Variants in CRAMP1 observed in about 807,000 individuals in gnomAD.
CRAMP1 encodes protein cramped-like.
Under a neutral mutation model 115.4 loss-of-function variants are expected in CRAMP1, and 50 were observed. The ratio of observed to expected loss-of-function variants is 0.43; its 90% CI spans 0.35 to 0.55. CRAMP1 has a LOEUF of 0.55. CRAMP1 is among the 20% of genes least tolerant of loss of function. The probability of loss-of-function intolerance (pLI) is 0.01; values close to 1 mark genes in which losing one functional copy is unlikely to be tolerated. For synonymous variants in CRAMP1, 866 were observed against 745.4 expected (o/e 1.16, Z -2.64); for missense variants, 1,679 against 1,721.7 (o/e 0.98, Z 0.44).
chr16:1,661,757 G>A lies in CRAMP1; in HGVS notation c.2414-733G>A, dbSNP rs966186721. The stretch of plus-strand genomic sequence containing the variant: ...ATTACAGGCATGTGCCACCATGCTC[G>A]GGTAATTTTTGTTTTCAGTAGAGAC... On this transcript the variant is annotated intron_variant, in intron 11 of 20. Transcript: ENST00000397412. Among the ~76,000 whole-genome samples the A allele has an allele frequency of 3.3e-5, 5 of 152,182 alleles. No homozygotes were observed. In the South Asian group the frequency reaches 6.2e-4, roughly 19 times the overall value.
At chr16:1,657,612 T>C (rs1304431536) in intron 10 of CRAMP1, among the ~76,000 whole-genome samples, 1 of 152,142 alleles carries the variant, frequency 6.6e-6, no homozygotes, top group African/African-American at 2.4e-5. Flanking sequence ...CGCAGCAGAA[T>C]AGTGGAGCTG....
chr16:1,667,391 C>G lies in CRAMP1; in HGVS notation c.3093C>G (p.Asp1031Glu). The G allele has an allele frequency of 6.2e-7, 1 of 1,612,640 alleles. No homozygotes were observed. Among genetic ancestry groups the G allele is most frequent in the South Asian group, 1.1e-5 (1 of 91,084 alleles). ...GGCCTGAGCAGGAGCCAGTGGCAGACAGTTTCCAGGTAGAGTGTGCTCTTG... is the reference window on the plus strand; with the variant it reads ...GGCCTGAGCAGGAGCCAGTGGCAGAGAGTTTCCAGGTAGAGTGTGCTCTTG... The part of the protein sequence containing the change: ...PSRPEQEPVA[D>E]SFQGSSVLSL... The change falls in exon 17 of 21, where the codon GAC becomes GAG. Residue 1031 changes from aspartate to glutamate, a missense_variant. Physicochemically the swap from Asp to Glu is conservative, Grantham distance 45. Around this residue, in one of 8 missense-constraint regions of CRAMP1, gnomAD observed 709 missense variants for 741.9 expected, o/e 0.96. Transcript: ENST00000397412.
rs377270440 is a variant in CRAMP1 at position 1,665,117 on chromosome 16, C to T, written c.2731C>T (p.Leu911=). 2 of 1,612,016 alleles carry T rather than the reference C, an allele frequency of 1.2e-6. No homozygotes were observed. Among genetic ancestry groups the T allele is most frequent in the East Asian group, 4.5e-5 (2 of 44,876 alleles). Residue 911 remains leucine, a synonymous_variant, in exon 14 of 21, where the codon CTG becomes TTG. Coordinates refer to ENST00000397412, the MANE Select transcript of CRAMP1 (RefSeq NM_020825.4). ...CCACAACGTTTGTTCCTTCTCCATCCTGTCTAACTCTTCCGTAACTGGTAA... is the reference window on the plus strand; with the variant it reads ...CCACAACGTTTGTTCCTTCTCCATCTTGTCTAACTCTTCCGTAACTGGTAA... The part of the protein sequence containing the change: ...QSHNVCSFSI[L]SNSSVTGRGS...
At chr16:1,649,954 C>T (rs981752835) in intron 6 of CRAMP1, among the ~76,000 whole-genome samples, 6 of 151,750 alleles carry the variant, frequency 4.0e-5, no homozygotes, top group Non-Finnish European at 7.4e-5. Flanking sequence ...CCACCATGCC[C>T]GGCTAATTTT....
Position 1,666,443 on chromosome 16 carries a change from C to T in CRAMP1, c.2879C>T (p.Thr960Ile). 1 of 1,613,464 alleles carries T rather than the reference C, an allele frequency of 6.2e-7. No individual in the cohort carries two copies. The highest frequency in any genetic ancestry group is 8.5e-7 in the Non-Finnish European group (1 of 1,179,652). ...HLASAIDLAA[T>I]SAGILSGNPL... Reference sequence around the variant, plus strand: ...CCAGGTGCTATCGACTTAGCAGCTACAAGTGCCGGCATCCTTTCCGGGAAC... The same window carrying T: ...CCAGGTGCTATCGACTTAGCAGCTATAAGTGCCGGCATCCTTTCCGGGAAC... The change falls in exon 16 of 21, where the codon ACA becomes ATA. Residue 960 changes from threonine to isoleucine, a missense_variant. Coordinates refer to ENST00000397412, the MANE Select transcript of CRAMP1 (RefSeq NM_020825.4). This position sits in a 1 kb window ranked among gnomAD's most constrained non-coding sequence, Gnocchi z 5.0.
Position 1,666,791 on chromosome 16 carries a change from G to A in CRAMP1, c.3036+191G>A, listed in dbSNP as rs1315021554. 6.6e-6 allele frequency among the ~76,000 whole-genome samples: 1 copy of A among 152,258 alleles called. No homozygotes were observed. The highest frequency in any genetic ancestry group is 1.5e-5 in the Non-Finnish European group (1 of 68,044). ...AGGCCTCCGGAGCCACTGACGAAAGGTGGGGACAGGCTTGCCATGTGGCAC... is the reference window on the plus strand; with the variant it reads ...AGGCCTCCGGAGCCACTGACGAAAGATGGGGACAGGCTTGCCATGTGGCAC... On this transcript the variant is annotated intron_variant, in intron 16 of 20. Coordinates refer to ENST00000397412, the MANE Select transcript of CRAMP1 (RefSeq NM_020825.4). The surrounding 1 kb of genome is among the most constrained non-coding windows in gnomAD (Gnocchi z 5.0).
At position 1,675,430 on chromosome 16, in the gene CRAMP1, C is replaced by T. The variant is rs2036959442; in HGVS notation, c.*1385C>T. ...GGATTGATTGTGCTTTCCTAACCCCCTTGGACCTACTCTCCCTCCTCCCCA... is the reference window on the plus strand; with the variant it reads ...GGATTGATTGTGCTTTCCTAACCCCTTTGGACCTACTCTCCCTCCTCCCCA... On this transcript the variant is annotated 3_prime_UTR_variant, in exon 21 of 21. Coordinates refer to ENST00000397412, the MANE Select transcript of CRAMP1 (RefSeq NM_020825.4). The T allele has an allele frequency of 6.6e-6, 1 of 152,620 alleles. No homozygotes were observed. The highest frequency in any genetic ancestry group is 2.4e-5 in the African/African-American group (1 of 41,468). 9.5% of individuals were successfully genotyped at this position (152,620 alleles called of 1,614,324 possible). A position where few individuals can be genotyped will look rare whatever the true frequency, so the allele number is the denominator to read the frequency against.
chr16:1,638,211 G>A (rs1414053619), intron 5 of CRAMP1, among the ~76,000 whole-genome samples: 9 of 152,078 alleles, frequency 5.9e-5, no homozygotes, highest in Admixed American at 1.3e-4. Context: ...TACCTCCACC[G>A]GCATCACCTC....
chr16:1,618,901 AG>A (rs1469480723), intron 2 of CRAMP1, among the ~76,000 whole-genome samples: 17 of 152,350 alleles, frequency 1.1e-4, no homozygotes, highest in Non-Finnish European at 8.8e-5. Context: ...AAAGTAGGTA[AG>A]GCAAAATTTG....
In CRAMP1 at chr16:1,656,297, C is replaced by A; in HGVS notation, c.1540C>A (p.Pro514Thr). Residue 514 changes from proline (P) to threonine (T), a missense_variant, in exon 10 of 21, where the codon CCC becomes ACC. Physicochemically the swap from Pro to Thr is conservative, Grantham distance 38. Coordinates refer to ENST00000397412, the MANE Select transcript of CRAMP1 (RefSeq NM_020825.4). This position sits in a 1 kb window ranked among gnomAD's most constrained non-coding sequence, Gnocchi z 5.6. ...CCCGGACGCTCCTGACAGGCCTCCT[C>A]CCAGGCACCAGGACACTGGGCCATG... ...SSPDAPDRPP[P>T]RHQDTGPCLE... The A allele has an allele frequency of 6.2e-7, 1 of 1,611,982 alleles. No homozygotes were observed.
Position 1,670,826 on chromosome 16 carries a change from C to T in CRAMP1, c.3645+17C>T, listed in dbSNP as rs1162785369. On this transcript the variant is annotated intron_variant, in intron 20 of 20. Coordinates refer to ENST00000397412, the MANE Select transcript of CRAMP1 (RefSeq NM_020825.4). ...GTTGCAGAGGTGAGTGCATTGACCT[C>T]ACAGCTGCACCTGACCACCAACCCT... 3 of 1,612,208 alleles carry T rather than the reference C, an allele frequency of 1.9e-6. No individual in the cohort carries two copies. The highest frequency in any genetic ancestry group is 2.2e-5 in the South Asian group (2 of 91,002).
At chr16:1,627,056 G>A (rs2036513878) in intron 3 of CRAMP1, among the ~76,000 whole-genome samples, 1 of 152,206 alleles carries the variant, frequency 6.6e-6, no homozygotes. Flanking sequence ...CGTAAGTAAC[G>A]CTGTGGTGAA....
chr16:1,648,168 T>C (rs1374085281), intron 6 of CRAMP1, among the ~76,000 whole-genome samples: 1 of 151,686 alleles, frequency 6.6e-6, no homozygotes, highest in African/African-American at 2.4e-5. Flanking sequence ...GAAAATGTGA[T>C]TATTGAAAAC....
In CRAMP1 at chr16:1,662,814, G is replaced by A. The variant is rs1276855277; in HGVS notation, c.2649G>A (p.Leu883=). The change falls in exon 13 of 21, where the codon CTG becomes CTA. Residue 883 remains leucine, a synonymous_variant. Coordinates refer to ENST00000397412, the MANE Select transcript of CRAMP1 (RefSeq NM_020825.4). The part of the protein sequence containing the change: ...PKPRKLRNRH[L]RKPLVVQRTL... The stretch of plus-strand genomic sequence containing the variant: ...CCCGGAAGCTGCGGAACCGGCACCT[G>A]CGGAAGCCACTGGTGGTCCAGGTCA... 2 of 1,613,762 alleles carry A rather than the reference G, an allele frequency of 1.2e-6. No individual in the cohort carries two copies. The highest frequency in any genetic ancestry group is 3.3e-5 in the Admixed American group (2 of 60,026).
At chr16:1,670,359 T>C in intron 19 of CRAMP1, 1 of 245,978 alleles carries the variant, frequency 4.1e-6, no homozygotes. Flanking sequence ...TGGGAGAGCA[T>C]GATGGGGGTG....
At chr16:1,652,741 C>T (rs1408704176) in intron 7 of CRAMP1, among the ~76,000 whole-genome samples, 160 bp downstream of exon 7, 3 of 152,164 alleles carry the variant, frequency 2.0e-5, no homozygotes, top group Non-Finnish European at 2.9e-5. Flanking sequence ...TGAAATGCTC[C>T]CTACGACCAC....
At chr16:1,652,429 T>G in intron 6 of CRAMP1, 67 bp from the exon 7 acceptor site, 1 of 1,416,350 alleles carries the variant, frequency 7.1e-7, no homozygotes, top group Non-Finnish European at 9.7e-7. Context: ...CGCCTCTCCG[T>G]GTGCTGGCCC....
chr16:1,641,707 G>A (rs1276659115), intron 6 of CRAMP1, among the ~76,000 whole-genome samples: 3 of 152,184 alleles, frequency 2.0e-5, no homozygotes, highest in Non-Finnish European at 4.4e-5. Context: ...GCCCCTGATG[G>A]TCCAGTTGAC....
chr16:1,666,325 C>G lies in CRAMP1; in HGVS notation c.2858-97C>G. 1 of 1,271,358 alleles carries G rather than the reference C, an allele frequency of 7.9e-7. No homozygotes were observed. The highest frequency in any genetic ancestry group is 1.1e-6 in the Non-Finnish European group (1 of 899,746). 78.8% of individuals were successfully genotyped at this position (1,271,358 alleles called of 1,614,324 possible). On this transcript the variant is annotated intron_variant, in intron 15 of 20. Transcript: ENST00000397412. This position sits in a 1 kb window ranked among gnomAD's most constrained non-coding sequence, Gnocchi z 5.0. ...TCTAAGCCCTTGGCTCTTGCATTGA[C>G]ATGAGGTGCGAGGGAGAAGCTGTTC... is the stretch of plus-strand genomic sequence containing the variant.
Sources: allele counts gnomAD v4.1 joint callset (sites outside exome capture counted in the v4.1 genomes callset), GRCh38; gene constraint gnomAD v4.1.1; regional missense constraint gnomAD v4.1.1; non-coding constraint Gnocchi (gnomAD v3.1); transcripts MANE v1.5; gene names NCBI Gene and HGNC (gene_info 2026-07-23, HGNC 2026-07-21).